Variants in NKAIN2 observed in about 807,000 individuals in gnomAD.
The protein encoded by NKAIN2 is sodium/potassium transporting ATPase interacting 2.
A neutral mutation model predicts 32.6 loss-of-function variants in NKAIN2; 14 were observed. The observed-to-expected ratio is 0.43, with a 90% CI of 0.28 to 0.67. NKAIN2 has a LOEUF of 0.67. NKAIN2 is among the 30% of genes least tolerant of loss of function. The probability of loss-of-function intolerance (pLI) is 0.17; values close to 1 mark genes in which losing one functional copy is unlikely to be tolerated. For missense variants in NKAIN2, 198 were observed against 258.3 expected, an observed-to-expected ratio of 0.77 and a Z score of 1.60; for synonymous variants, 80 against 87.2, an observed-to-expected ratio of 0.92 and a Z score of 0.46.
intron 1 of NKAIN2, among the ~76,000 whole-genome samples, chr6:124,116,366 A>T (rs1207896384): frequency 6.6e-6 from 1 of 152,030 alleles, no homozygotes; most frequent in East Asian, 1.9e-4. Context: ...TTTATTTGTA[A>T]GAGTTCTTCC....
chr6:124,686,602 T>C (rs576888885), intron 4 of NKAIN2, among the ~76,000 whole-genome samples: 17 of 152,198 alleles, frequency 1.1e-4, no homozygotes, highest in African/African-American at 2.9e-4. Flanking sequence ...ACCTCCAACA[T>C]TGGGTATTAC....
chr6:124,632,933 G>T (rs1199797214), intron 3 of NKAIN2, among the ~76,000 whole-genome samples: 1 of 152,104 alleles, frequency 6.6e-6, no homozygotes, highest in Non-Finnish European at 1.5e-5. Flanking sequence ...ATTAATTTTG[G>T]CTTAGAATTG....
At chr6:124,052,540 G>A (rs1218907949) in intron 1 of NKAIN2, among the ~76,000 whole-genome samples, 2 of 151,844 alleles carry the variant, frequency 1.3e-5, no homozygotes, top group African/African-American at 4.8e-5. Flanking sequence ...GTTGTATAAA[G>A]GACCACCTGA....
chr6:124,673,835 C>T (rs754262712), intron 4 of NKAIN2, among the ~76,000 whole-genome samples: 2 of 151,468 alleles, frequency 1.3e-5, no homozygotes, highest in Non-Finnish European at 2.9e-5. Flanking sequence ...CCCTAGGTTG[C>T]CTTTTCAGTC....
chr6:124,684,020 T>G (rs1404377242), intron 4 of NKAIN2, among the ~76,000 whole-genome samples: 1 of 152,084 alleles, frequency 6.6e-6, no homozygotes, highest in Non-Finnish European at 1.5e-5. Context: ...AAATTAGGGG[T>G]GAGCATTTAC....
chr6:124,270,314 AAC>A (rs1007778959), intron 1 of NKAIN2, among the ~76,000 whole-genome samples: 38 of 152,326 alleles, frequency 2.5e-4, no homozygotes, highest in Admixed American at 2.2e-3. Context: ...ATGCAAATGA[AAC>A]ACACAAATAT....
rs1201536916 is a variant in NKAIN2, at chr6:124,463,129, A to G, written c.273+107782A>G. Reference sequence around the variant, plus strand: ...AGGAAGAAATTTTTAGATAAAGCTGAGATTTACGTGAATTAAAAAACTAAG... The same window carrying G: ...AGGAAGAAATTTTTAGATAAAGCTGGGATTTACGTGAATTAAAAAACTAAG... On this transcript the variant is annotated intron_variant, in intron 3 of 6. Coordinates refer to ENST00000368417, the MANE Select transcript of NKAIN2 (RefSeq NM_001040214.3). Among the ~76,000 whole-genome samples the G allele has an allele frequency of 2.6e-5, 4 of 152,038 alleles. No homozygotes were observed. The East Asian group carries it at 7.7e-4, about 29-fold the overall frequency.
chr6:124,804,830 CAGG>C (rs1317307324), intron 5 of NKAIN2, among the ~76,000 whole-genome samples: 1 of 152,172 alleles, frequency 6.6e-6, no homozygotes, highest in Non-Finnish European at 1.5e-5. Context: ...AATGGCGCAC[CAGG>C]AGATTATATG....
chr6:124,399,834 C>A lies in NKAIN2; in HGVS notation c.273+44487C>A, dbSNP rs192068746. Among the ~76,000 whole-genome samples the A allele has an allele frequency of 2.0e-3, 310 of 152,296 alleles. 2 individuals are homozygous for A. The highest frequency in any genetic ancestry group is 7.2e-3 in the African/African-American group (301 of 41,564). On this transcript the variant is annotated intron_variant, in intron 3 of 6. Coordinates refer to ENST00000368417, the MANE Select transcript of NKAIN2 (RefSeq NM_001040214.3). ...AAGGGATCATTAGGGAGACAAACAG[C>A]ATCCTGGGGCCACAGTAATACAAAA...
At chr6:124,784,306 A>G (rs1779404842) in intron 4 of NKAIN2, among the ~76,000 whole-genome samples, 1 of 152,158 alleles carries the variant, frequency 6.6e-6, no homozygotes, top group Non-Finnish European at 1.5e-5. Context: ...CTGGGTATTG[A>G]TACAGTCAAG....
chr6:124,727,279 AG>A (rs1776376361), intron 4 of NKAIN2, among the ~76,000 whole-genome samples: 1 of 152,114 alleles, frequency 6.6e-6, no homozygotes, highest in African/African-American at 2.4e-5. Flanking sequence ...GTTGAAATGA[AG>A]GAAAAAATGT....
chr6:124,537,682 A>C lies in NKAIN2; in HGVS notation c.274-120504A>C, dbSNP rs146979683. 2.6e-3 allele frequency among the ~76,000 whole-genome samples: 394 copies of C among 152,178 alleles called. 2 individuals are homozygous for C. The highest frequency in any genetic ancestry group is 8.9e-3 in the African/African-American group (368 of 41,512). Reference sequence around the variant, plus strand: ...CAATTGCTTTGTCAAATTCTGCTGGATTCTGCTTCCCTTTCATGCGTGCTC... The same window carrying C: ...CAATTGCTTTGTCAAATTCTGCTGGCTTCTGCTTCCCTTTCATGCGTGCTC... On this transcript the variant is annotated intron_variant, in intron 3 of 6. Transcript: ENST00000368417.
chr6:123,994,164 TCA>T (rs1779521682), intron 1 of NKAIN2, among the ~76,000 whole-genome samples: 1 of 151,706 alleles, frequency 6.6e-6, no homozygotes, highest in African/African-American at 2.4e-5. Context: ...AAAATGAATC[TCA>T]GTTTGGAGAA....
At chr6:124,130,889 A>G (rs1287953820) in intron 1 of NKAIN2, among the ~76,000 whole-genome samples, 1 of 152,164 alleles carries the variant, frequency 6.6e-6, no homozygotes. Context: ...GAAAATTCCC[A>G]TGGTAGCAAA....
chr6:124,304,665 C>G (rs1176329817), intron 2 of NKAIN2, among the ~76,000 whole-genome samples: 1 of 151,402 alleles, frequency 6.6e-6, no homozygotes, highest in Non-Finnish European at 1.5e-5. Flanking sequence ...CCTGTAATCC[C>G]AGCACTTTGG....
intron 4 of NKAIN2, among the ~76,000 whole-genome samples, chr6:124,724,994 A>G (rs990643014): frequency 1.6e-4 from 24 of 152,146 alleles, no homozygotes; most frequent in African/African-American, 5.3e-4. Flanking sequence ...CAATGATTTC[A>G]TGTGTATCCC....
In NKAIN2 at chr6:124,329,317, G is replaced by A. The variant is rs540619752; in HGVS notation, c.193-25950G>A. 7.2e-5 allele frequency among the ~76,000 whole-genome samples: 11 copies of A among 152,238 alleles called. No homozygotes were observed. In the South Asian group the frequency reaches 2.1e-3, roughly 29 times the overall value. On this transcript the variant is annotated intron_variant, in intron 2 of 6. Coordinates refer to ENST00000368417, the MANE Select transcript of NKAIN2 (RefSeq NM_001040214.3). ...TGGGTGCCAAACATATTCTTTTCTG[G>A]ACCCAATGATGATCAGGATCTATTA...
intron 2 of NKAIN2, among the ~76,000 whole-genome samples, chr6:124,326,273 T>C (rs1797407789): frequency 6.6e-6 from 1 of 151,992 alleles, no homozygotes; most frequent in South Asian, 2.1e-4. Context: ...TGGCCACTTT[T>C]TTATGGTGAT....
chr6:123,833,112 T>C (rs183683059), intron 1 of NKAIN2, among the ~76,000 whole-genome samples: 1 of 152,354 alleles, frequency 6.6e-6, no homozygotes, highest in Admixed American at 6.5e-5. Context: ...CTCTTTTGTG[T>C]TGATTTTGTG....
Sources: gnomAD v4.1 joint callset for allele counts (sites outside exome capture counted in the v4.1 genomes callset) on GRCh38, gnomAD v4.1.1 for gene constraint, MANE v1.5 for transcripts, NCBI Gene and HGNC (gene_info 2026-07-23, HGNC 2026-07-21) for gene names.